NADSYN1: variants seen among roughly 807,000 people sequenced by gnomAD.
The protein encoded by NADSYN1 is NAD synthetase 1, also known as glutamine-dependent NAD(+) synthetase.
Under a neutral mutation model 99.3 loss-of-function variants are expected in NADSYN1, and 80 were observed. The observed-to-expected ratio is 0.81, with a 90% CI of 0.67 to 0.97. NADSYN1 has a LOEUF of 0.97. Among genes scored for constraint, NADSYN1 ranks in the 50% least tolerant of loss-of-function variants. The probability of loss-of-function intolerance (pLI) is 0.00; values close to 1 mark genes in which losing one functional copy is unlikely to be tolerated. For synonymous variants in NADSYN1, 385 were observed against 372.1 expected (o/e 1.03, Z -0.40); for missense variants, 859 against 948.5 (o/e 0.91, Z 1.24).
At position 71,474,447 on chromosome 11, in the gene NADSYN1, T is replaced by A; in HGVS notation, c.719T>A (p.Leu240Gln). The change falls in exon 9 of 21, where the codon CTG (leucine) becomes CAG (glutamine). Residue 240 changes from leucine to glutamine, a missense_variant. Coordinates refer to ENST00000319023, the MANE Select transcript of NADSYN1 (RefSeq NM_018161.5). ...CAGAAGGGTTGTGACGGGGACCGCCTGTACTACGACGGCTGTGCCATGATT... is the reference window on the plus strand; with the variant it reads ...CAGAAGGGTTGTGACGGGGACCGCCAGTACTACGACGGCTGTGCCATGATT... Reference protein sequence around the residue: ...ANQKGCDGDRLYYDGCAMIAM... With the variant: ...ANQKGCDGDRQYYDGCAMIAM... The A allele has an allele frequency of 1.4e-5, 23 of 1,614,210 alleles. No homozygotes were observed. Among genetic ancestry groups the A allele is most frequent in the Non-Finnish European group, 1.9e-5 (23 of 1,180,030 alleles).
chr11:71,463,560 C>CACGG, intron 4 of NADSYN1, 75 bp downstream of exon 4: 1 of 1,424,292 alleles, frequency 7.0e-7, no homozygotes, highest in South Asian at 1.2e-5. Context: ...TGCCAGGACC[C>CACGG]GTGCTGGTGC....
chr11:71,477,794 G>A (rs1440163944), intron 9 of NADSYN1, among the ~76,000 whole-genome samples: 1 of 152,190 alleles, frequency 6.6e-6, no homozygotes, highest in Non-Finnish European at 1.5e-5. Flanking sequence ...CCTCCTTTGT[G>A]TTGGCCTCAG....
intron 2 of NADSYN1, 64 bp downstream of exon 2, chr11:71,455,234 C>A: frequency 7.1e-7 from 1 of 1,409,698 alleles, no homozygotes. Flanking sequence ...TTTTCCCCAG[C>A]TGAGAAGGCA....
At chr11:71,470,968 G>A (rs1289594434) in intron 5 of NADSYN1, among the ~76,000 whole-genome samples, 1 of 152,066 alleles carries the variant, frequency 6.6e-6, no homozygotes, top group Non-Finnish European at 1.5e-5. Context: ...GCTCTATCCT[G>A]TGCTTTGTTT....
chr11:71,489,945 C>G (rs1349721774), intron 16 of NADSYN1, among the ~76,000 whole-genome samples: 2 of 152,194 alleles, frequency 1.3e-5, no homozygotes, highest in Non-Finnish European at 2.9e-5. Flanking sequence ...CGTGGAGAAC[C>G]TGGAGGCCTG....
chr11:71,497,888 G>A (rs1949830720), intron 19 of NADSYN1, among the ~76,000 whole-genome samples: 1 of 152,220 alleles, frequency 6.6e-6, no homozygotes, highest in Admixed American at 6.5e-5. Flanking sequence ...GGTCAGAATA[G>A]TATTGCTTTT....
At chr11:71,468,087 G>A (rs746656658) in intron 5 of NADSYN1, among the ~76,000 whole-genome samples, 25 of 152,176 alleles carry the variant, frequency 1.6e-4, no homozygotes, top group Non-Finnish European at 2.8e-4. Context: ...GAGAGTCACC[G>A]GCAGCCAGGA....
In NADSYN1 at chr11:71,474,481, C is replaced by T. The variant is rs777867377; in HGVS notation, c.753C>T (p.Asn251=). 15 of 1,614,056 alleles carry T rather than the reference C, an allele frequency of 9.3e-6. No homozygotes were observed. Among genetic ancestry groups the T allele is most frequent in the East Asian group, 6.7e-5 (3 of 44,890 alleles). Residue 251 remains asparagine, a synonymous_variant, in exon 9 of 21, where the codon AAC becomes AAT. Coordinates refer to ENST00000319023, the MANE Select transcript of NADSYN1 (RefSeq NM_018161.5). ...YYDGCAMIAM[N]GSVFAQGSQF... ...ACGGCTGTGCCATGATTGCCATGAA[C>T]GGAAGCGTCTTTGCTCAAGGATCCC... is the stretch of plus-strand genomic sequence containing the variant.
chr11:71,501,732 A>G lies in NADSYN1; in HGVS notation c.*380A>G, dbSNP rs1291922251. The G allele has an allele frequency of 8.3e-6, 2 of 239,634 alleles. No homozygotes were observed. Among genetic ancestry groups the G allele is most frequent in the Non-Finnish European group, 1.6e-5 (2 of 122,568 alleles). 14.8% of individuals were successfully genotyped at this position (239,634 alleles called of 1,614,324 possible). ...GTCATGAGCAGAAAATGAAGGAGAG[A>G]AGACCTTCTCTCCCACCCACACACA... On this transcript the variant is annotated 3_prime_UTR_variant, in exon 21 of 21. Transcript: ENST00000319023.
chr11:71,471,133 G>A (rs1792233), intron 5 of NADSYN1, among the ~76,000 whole-genome samples: 43,282 of 152,010 alleles, frequency 0.28, 6,690 homozygotes, highest in South Asian at 0.46. Flanking sequence ...CTTCTTCCCC[G>A]TTCGTCTCAT....
chr11:71,463,437 T>C lies in NADSYN1; in HGVS notation c.269T>C (p.Val90Ala), dbSNP rs760748712. 6.2e-7 allele frequency: 1 copy of C among 1,613,824 alleles called. No homozygotes were observed. Among genetic ancestry groups the C allele is most frequent in the South Asian group, 1.1e-5 (1 of 91,072 alleles). ...ACCTCCCCTCTCTCCTGCAGGCCTG[T>C]AATGCACCGAAACGTCCGCTACAAC... ...QDIICDVGMP[V>A]MHRNVRYNCR... Residue 90 changes from valine to alanine, a missense_variant, in exon 4 of 21, where the codon GTA (valine) becomes GCA (alanine). Val to Ala is a moderately conservative substitution (Grantham distance 64). Coordinates refer to ENST00000319023, the MANE Select transcript of NADSYN1 (RefSeq NM_018161.5).
Position 71,498,512 on chromosome 11 carries a change from G to A in NADSYN1, c.2054G>A (p.Arg685Gln), listed in dbSNP as rs764693513. The part of the protein sequence containing the change: ...LYNTSWPWQF[R>Q]CIENQVLQLE... ...AACACAAGCTGGCCTTGGCAGTTTC[G>A]GTGCATAGAAAATCAGGTAAATCCA... The change falls in exon 20 of 21, where the codon CGG becomes CAG. Residue 685 changes from arginine (R) to glutamine (Q), a missense_variant. Transcript: ENST00000319023. The A allele has an allele frequency of 1.4e-5, 23 of 1,613,580 alleles. No individual in the cohort carries two copies. Among genetic ancestry groups the A allele is most frequent in the Middle Eastern group, 1.6e-4 (1 of 6,084 alleles).
At chr11:71,493,833 A>AGTTTTTTTTTT (rs1362703824) in intron 18 of NADSYN1, among the ~76,000 whole-genome samples, 5 of 152,064 alleles carry the variant, frequency 3.3e-5, no homozygotes, top group African/African-American at 9.7e-5. Flanking sequence ...TTTTTAATTA[A>AGTTTTTTTTTT]AAAGTTTATA....
At chr11:71,480,619 G>T in intron 10 of NADSYN1, 136 bp from the exon 11 acceptor site, 1 of 1,273,974 alleles carries the variant, frequency 7.8e-7, no homozygotes, top group South Asian at 1.3e-5. Flanking sequence ...CCATCCTCGT[G>T]GGAGTGAGGG....
In NADSYN1 at chr11:71,464,100, A is replaced by G. The variant is rs769627719; in HGVS notation, c.365A>G (p.Asn122Ser). The change falls in exon 5 of 21, where the codon AAC becomes AGC. Residue 122 changes from asparagine (N) to serine (S), a missense_variant. Transcript: ENST00000319023. ...RPKMALANEG[N>S]YRELRWFTPW... The stretch of plus-strand genomic sequence containing the variant: ...AAGATGGCCTTGGCCAATGAAGGCA[A>G]CTACCGCGAGCTGCGCTGGTTCACC... The G allele has an allele frequency of 1.2e-6, 2 of 1,610,538 alleles. No homozygotes were observed. The highest frequency in any genetic ancestry group is 4.5e-5 in the East Asian group (2 of 44,826).
In NADSYN1 at chr11:71,473,307, G is replaced by A. The variant is rs776282050; in HGVS notation, c.489G>A (p.Leu163=). The change falls in exon 7 of 21, where the codon CTG becomes CTA. Residue 163 remains leucine, a synonymous_variant. Transcript: ENST00000319023. ...CCGTACCCTTCGGAGATGCGGTGCT[G>A]GTGACATGGGACACCTGCATTGGAA... ...QETVPFGDAV[L]VTWDTCIGSE... The A allele has an allele frequency of 6.2e-7, 1 of 1,614,216 alleles. No individual in the cohort carries two copies. The highest frequency in any genetic ancestry group is 1.1e-5 in the South Asian group (1 of 91,090).
Position 71,455,126 on chromosome 11 carries a change from A to C in NADSYN1, c.102A>C (p.Lys34Asn). 1 of 1,614,046 alleles carries C rather than the reference A, an allele frequency of 6.2e-7. No homozygotes were observed. Among genetic ancestry groups the C allele is most frequent in the South Asian group, 1.1e-5 (1 of 91,070 alleles). Residue 34 changes from lysine to asparagine, a missense_variant, in exon 2 of 21, where the codon AAA (lysine) becomes AAC (asparagine). Lys to Asn is a moderately conservative substitution (Grantham distance 94). Transcript: ENST00000319023. ...TACTTACAGGTATTGAAATTGCCAA[A>C]AACAGAGGAGCAAGATACAGGCTTG... The part of the protein sequence containing the change: ...QRILKSIEIA[K>N]NRGARYRLGP...
intron 18 of NADSYN1, chr11:71,497,271 T>C: frequency 1.7e-6 from 1 of 579,686 alleles, no homozygotes; most frequent in Non-Finnish European, 3.0e-6. Context: ...GTTACGGTCC[T>C]CCAAACCAAA....
intron 8 of NADSYN1, 111 bp from the exon 9 acceptor site, chr11:71,474,284 C>A: frequency 7.1e-7 from 1 of 1,402,582 alleles, no homozygotes; most frequent in Non-Finnish European, 9.9e-7. Context: ...GGTGGTGGGA[C>A]CACTCAGGAT....
Sources: gnomAD v4.1 joint callset for allele counts (sites outside exome capture counted in the v4.1 genomes callset) on GRCh38, gnomAD v4.1.1 for gene constraint, MANE v1.5 for transcripts, NCBI Gene and HGNC (gene_info 2026-07-23, HGNC 2026-07-21) for gene names.